RBFOX1: variants seen among roughly 807,000 people sequenced by gnomAD.
The protein encoded by RBFOX1 is RNA binding fox-1 homolog 1.
RBFOX1 carries 8 observed loss-of-function variants against 57.7 expected under a neutral mutation model. The ratio of observed to expected loss-of-function variants is 0.14; its 90% CI spans 0.08 to 0.25. The LOEUF (loss-of-function observed/expected upper bound fraction) is 0.25, where lower values mean the gene tolerates loss of function less well. Ranked by LOEUF, RBFOX1 falls within the 10% of genes least tolerant of loss-of-function variation. The pLI is 1.00. For missense variants in RBFOX1, 611 were observed against 548.5 expected (o/e 1.11, Z -1.14); for synonymous variants, 326 against 222.4 (o/e 1.47, Z -4.15).
intron 4 of RBFOX1, among the ~76,000 whole-genome samples, chr16:7,224,836 G>A (rs1329143774): frequency 1.3e-5 from 2 of 152,134 alleles, no homozygotes; most frequent in East Asian, 3.9e-4. Context: ...AGACTGTTAT[G>A]TTCCAGACAC....
chr16:6,378,164 G>A (rs1445050279), intron 2 of RBFOX1, among the ~76,000 whole-genome samples: 1 of 152,248 alleles, frequency 6.6e-6, no homozygotes, highest in Non-Finnish European at 1.5e-5. Context: ...TCTGTTGTTT[G>A]GGAGGAAGGC....
intron 3 of RBFOX1, among the ~76,000 whole-genome samples, chr16:6,747,235 C>T (rs1453182556): frequency 6.6e-6 from 1 of 152,026 alleles, no homozygotes; most frequent in Non-Finnish European, 1.5e-5. Context: ...TGGTGAAAAC[C>T]CCGTCTCTAC....
chr16:7,012,080 G>C (rs1012082782), intron 3 of RBFOX1, among the ~76,000 whole-genome samples: 2 of 152,068 alleles, frequency 1.3e-5, no homozygotes, highest in South Asian at 2.1e-4. Flanking sequence ...TAGGTCAGAC[G>C]TATGGAGTCA....
intron 3 of RBFOX1, among the ~76,000 whole-genome samples, chr16:6,947,305 G>C (rs1372508096): frequency 6.6e-6 from 1 of 152,152 alleles, no homozygotes; most frequent in Non-Finnish European, 1.5e-5. Context: ...CCTTCCCACA[G>C]GTAGGGTGTG....
chr16:7,136,404 A>ATTT lies in RBFOX1; in HGVS notation c.27+84326_27+84328dup, dbSNP rs35623726. Among the ~76,000 whole-genome samples, 401 of 110,926 alleles carry ATTT rather than the reference A, an allele frequency of 3.6e-3. 5 individuals are homozygous for ATTT. Among genetic ancestry groups the ATTT allele is most frequent in the African/African-American group, 0.013 (373 of 28,348 alleles). 72.8% of individuals were successfully genotyped at this position (110,926 alleles called of 152,430 possible). A position where few individuals can be genotyped will look rare whatever the true frequency, so the allele number is the denominator to read the frequency against. On this transcript the variant is annotated intron_variant, in intron 4 of 15. Coordinates refer to ENST00000550418, the MANE Select transcript of RBFOX1 (RefSeq NM_018723.4). ...TACAGAACATCTCTATCATCTTGGG[A>ATTT]TTTTTTTTTTTTTTTTTTTTTTGAC...
chr16:6,767,474 A>T (rs1392893849), intron 3 of RBFOX1, among the ~76,000 whole-genome samples: 1 of 152,172 alleles, frequency 6.6e-6, no homozygotes, highest in Non-Finnish European at 1.5e-5. Context: ...ATGTGAACGA[A>T]TACATTTCTT....
At chr16:7,002,673 C>T (rs2092932380) in intron 3 of RBFOX1, among the ~76,000 whole-genome samples, 1 of 152,322 alleles carries the variant, frequency 6.6e-6, no homozygotes, top group East Asian at 1.9e-4. Context: ...GATTGCGCCA[C>T]TGCACTCCAG....
chr16:6,091,830 CA>C (rs1302248686), intron 1 of RBFOX1, among the ~76,000 whole-genome samples: 1 of 151,988 alleles, frequency 6.6e-6, no homozygotes. Flanking sequence ...GACTCTGTCT[CA>C]AAAAAACAAA....
intron 4 of RBFOX1, among the ~76,000 whole-genome samples, chr16:7,231,138 T>C (rs926395094): frequency 2.0e-5 from 3 of 152,126 alleles, no homozygotes; most frequent in Non-Finnish European, 4.4e-5. Context: ...ATAGGTTTTG[T>C]CTCCATGGTA....
chr16:7,100,565 G>A (rs868805923), intron 4 of RBFOX1, among the ~76,000 whole-genome samples: 1 of 118,788 alleles, frequency 8.4e-6, no homozygotes, highest in Non-Finnish European at 1.8e-5. Context: ...TTTAAAGGTT[G>A]TTTTTTTTTT....
chr16:7,059,765 G>C (rs1037213044), intron 4 of RBFOX1, among the ~76,000 whole-genome samples: 1 of 152,178 alleles, frequency 6.6e-6, no homozygotes, highest in African/African-American at 2.4e-5. Context: ...ACCCGTTGCA[G>C]TGTCTGCTTG....
At chr16:7,596,163 A>T (rs1436110512) in intron 8 of RBFOX1, among the ~76,000 whole-genome samples, 2 of 106,062 alleles carry the variant, frequency 1.9e-5, no homozygotes, top group African/African-American at 6.3e-5. Flanking sequence ...GGTTTTTACT[A>T]AACCTCTCGT....
chr16:6,988,447 G>A (rs1311519529), intron 3 of RBFOX1, among the ~76,000 whole-genome samples: 2 of 152,190 alleles, frequency 1.3e-5, no homozygotes, highest in African/African-American at 2.4e-5. Flanking sequence ...ATAGCTCATT[G>A]AGAGTTTTTA....
chr16:6,860,420 C>G (rs540975426), intron 3 of RBFOX1, among the ~76,000 whole-genome samples: 4 of 152,294 alleles, frequency 2.6e-5, no homozygotes, highest in Admixed American at 2.0e-4. Flanking sequence ...AAACACTACA[C>G]GTTGGCTAAG....
chr16:7,388,088 C>T (rs1179902470), intron 4 of RBFOX1, among the ~76,000 whole-genome samples: 1 of 151,618 alleles, frequency 6.6e-6, no homozygotes, highest in Non-Finnish European at 1.5e-5. Flanking sequence ...TTTCTTTTGC[C>T]TTTGATCAAG....
At chr16:6,761,504 T>TTTTTTC (rs2076593182) in intron 3 of RBFOX1, among the ~76,000 whole-genome samples, 1 of 107,414 alleles carries the variant, frequency 9.3e-6, no homozygotes, top group Non-Finnish European at 2.0e-5. Context: ...AATCTCCTTT[T>TTTTTTC]TTTTTTTTTT....
chr16:5,596,319 G>T (rs1252827997), intron 2 of RBFOX1, among the ~76,000 whole-genome samples: 1 of 152,202 alleles, frequency 6.6e-6, no homozygotes, highest in Non-Finnish European at 1.5e-5. Context: ...TCCCCTGGAA[G>T]ACTCTTAATT....
chr16:7,550,551 A>G (rs1228684819), intron 5 of RBFOX1, among the ~76,000 whole-genome samples: 1 of 152,184 alleles, frequency 6.6e-6, no homozygotes, highest in Non-Finnish European at 1.5e-5. Flanking sequence ...GGCATCTTAT[A>G]TTAGTCCTAA....
intron 2 of RBFOX1, among the ~76,000 whole-genome samples, chr16:5,472,075 T>C (rs1266855356): frequency 6.6e-6 from 1 of 152,192 alleles, no homozygotes; most frequent in Non-Finnish European, 1.5e-5. Flanking sequence ...ACGGATGCTC[T>C]TTTCTCATGT....
Sources: allele counts gnomAD v4.1 joint callset (sites outside exome capture counted in the v4.1 genomes callset), GRCh38; gene constraint gnomAD v4.1.1; transcripts MANE v1.5; gene names NCBI Gene and HGNC (gene_info 2026-07-23, HGNC 2026-07-21).